Variants in CERS3 observed in about 807,000 individuals in gnomAD.
The protein encoded by CERS3 is LAG1 homolog, ceramide synthase 3.
In CERS3, 33 loss-of-function variants were observed where a neutral mutation model predicts 50.3. The ratio of observed to expected loss-of-function variants is 0.66; its 90% CI spans 0.50 to 0.88. The LOEUF (loss-of-function observed/expected upper bound fraction) is 0.88, where lower values mean the gene tolerates loss of function less well. Ranked by LOEUF, CERS3 falls within the 40% of genes least tolerant of loss-of-function variation. The pLI is 0.00. For missense variants in CERS3, 470 were observed against 460.3 expected, an observed-to-expected ratio of 1.02 and a Z score of -0.19; for synonymous variants, 176 against 155.2, an observed-to-expected ratio of 1.13 and a Z score of -0.99.
intron 2 of CERS3, among the ~76,000 whole-genome samples, chr15:100,510,126 A>C (rs911832351): frequency 2.0e-5 from 3 of 152,182 alleles, no homozygotes. Flanking sequence ...CCCATGGTAA[A>C]TTCCAATTCT....
At position 100,483,787 on chromosome 15, in the gene CERS3, A is replaced by ATTTTTTTTTT. The variant is rs10622678; in HGVS notation, c.407+753_407+762dup. 6.4e-4 allele frequency among the ~76,000 whole-genome samples: 64 copies of ATTTTTTTTTT among 100,024 alleles called. 4 individuals carry two copies. Among genetic ancestry groups the ATTTTTTTTTT allele is most frequent in the Admixed American group, 2.6e-3 (21 of 8,052 alleles). 65.6% of individuals were successfully genotyped at this position (100,024 alleles called of 152,430 possible). ...AATAATAATAATAATTATTATTATT[A>ATTTTTTTTTT]TTTTTTTTTTTGAGACAGAGTCTTG... On this transcript the variant is annotated intron_variant, in intron 5 of 11. Transcript: ENST00000679737.
At chr15:100,530,033 C>G (rs534065609), upstream of CERS3, among the ~76,000 whole-genome samples, 1 of 152,342 alleles carries the variant, frequency 6.6e-6, no homozygotes, top group East Asian at 1.9e-4. Flanking sequence ...GTACTTCTCA[C>G]TCAGGGCTTC....
At chr15:100,423,417 A>G (rs1302738921) in intron 11 of CERS3, among the ~76,000 whole-genome samples, 1 of 152,222 alleles carries the variant, frequency 6.6e-6, no homozygotes, top group African/African-American at 2.4e-5. Flanking sequence ...GTACATATAC[A>G]CTGTGAAATG....
chr15:100,452,744 A>T (rs1049170006), intron 11 of CERS3, among the ~76,000 whole-genome samples: 8 of 152,140 alleles, frequency 5.3e-5, no homozygotes, highest in African/African-American at 1.9e-4. Flanking sequence ...GACAAAATAG[A>T]TTGCTAGCTA....
intron 11 of CERS3, among the ~76,000 whole-genome samples, chr15:100,417,577 C>A (rs1056026685): frequency 6.6e-6 from 1 of 151,940 alleles, no homozygotes; most frequent in Non-Finnish European, 1.5e-5. Context: ...GTGGAGCCCA[C>A]CACAGCTCAA....
At chr15:100,434,043 G>A (rs1305477380) in intron 11 of CERS3, among the ~76,000 whole-genome samples, 1 of 152,260 alleles carries the variant, frequency 6.6e-6, no homozygotes, top group Non-Finnish European at 1.5e-5. Flanking sequence ...CCTCTGTGGA[G>A]AGCTATGAGG....
intron 11 of CERS3, among the ~76,000 whole-genome samples, chr15:100,417,144 T>G (rs2031980973): frequency 6.6e-6 from 1 of 151,890 alleles, no homozygotes; most frequent in African/African-American, 2.4e-5. Context: ...AGAAGATGGG[T>G]GATTTCTGCA....
At chr15:100,498,575 T>A (rs1285584998) in intron 3 of CERS3, among the ~76,000 whole-genome samples, 2 of 152,178 alleles carry the variant, frequency 1.3e-5, no homozygotes, top group Non-Finnish European at 2.9e-5. Flanking sequence ...TACCAGGGAA[T>A]GAGTCCCTTA....
intron 11 of CERS3, among the ~76,000 whole-genome samples, chr15:100,412,681 T>C (rs1196633329): frequency 6.6e-6 from 1 of 152,178 alleles, no homozygotes; most frequent in Non-Finnish European, 1.5e-5. Context: ...TTCTTGAATT[T>C]CAGAGCCAGA....
chr15:100,500,750 G>A (rs991532145), intron 3 of CERS3, among the ~76,000 whole-genome samples: 2 of 152,174 alleles, frequency 1.3e-5, no homozygotes, highest in African/African-American at 4.8e-5. Flanking sequence ...GCACGCTGTT[G>A]GCCCCAGTGA....
intron 7 of CERS3, among the ~76,000 whole-genome samples, chr15:100,477,158 T>A (rs1567647393): frequency 6.6e-6 from 1 of 152,350 alleles, no homozygotes; most frequent in East Asian, 1.9e-4. Flanking sequence ...GGTTGTTGTT[T>A]GAAGGCACTA....
At chr15:100,435,121 A>C (rs1363175792) in intron 11 of CERS3, among the ~76,000 whole-genome samples, 1 of 152,172 alleles carries the variant, frequency 6.6e-6, no homozygotes, top group Non-Finnish European at 1.5e-5. Context: ...TTTCATTTGC[A>C]ACTGCCTCCT....
intron 11 of CERS3, among the ~76,000 whole-genome samples, chr15:100,406,682 T>C (rs2142046820): frequency 6.6e-6 from 1 of 152,274 alleles, no homozygotes; most frequent in Middle Eastern, 3.4e-3. Context: ...CACTCCCTCC[T>C]ACAGATGAAG....
Position 100,501,666 on chromosome 15 carries a change from G to A in CERS3, c.173+11C>T, listed in dbSNP as rs202142718. 4.2e-4 allele frequency: 670 copies of A among 1,602,524 alleles called. 1 individual carries two copies. The highest frequency in any genetic ancestry group is 5.5e-4 in the Non-Finnish European group (645 of 1,169,652). ...GGGGGAATGGGAAGGAAAGACACAA[G>A]TACTACTTACTTTTCAAATACACGT... On this transcript the variant is annotated intron_variant, in intron 3 of 11. Transcript: ENST00000679737.
chr15:100,451,805 C>A (rs757011305), intron 11 of CERS3, among the ~76,000 whole-genome samples: 4 of 151,636 alleles, frequency 2.6e-5, no homozygotes, highest in Non-Finnish European at 4.4e-5. Flanking sequence ...CAAATGGAAA[C>A]CAAAAGCAAG....
At chr15:100,539,224 C>A (rs930157424) in intron 1 of CERS3, among the ~76,000 whole-genome samples, 2 of 152,176 alleles carry the variant, frequency 1.3e-5, no homozygotes, top group African/African-American at 4.8e-5. Context: ...CTGAAATGTT[C>A]CAAACTTTCT....
At chr15:100,500,988 A>G (rs2035979704) in intron 3 of CERS3, among the ~76,000 whole-genome samples, 1 of 152,230 alleles carries the variant, frequency 6.6e-6, no homozygotes, top group Non-Finnish European at 1.5e-5. Flanking sequence ...GCTTTTTGAA[A>G]TAGAGTCAAC....
intron 10 of CERS3, among the ~76,000 whole-genome samples, chr15:100,458,742 A>G (rs1014968033): frequency 2.6e-5 from 4 of 152,160 alleles, no homozygotes; most frequent in Non-Finnish European, 4.4e-5. Flanking sequence ...ATCTCTCTCA[A>G]AACTATATTC....
chr15:100,406,342 C>A (rs1477492436), intron 11 of CERS3, among the ~76,000 whole-genome samples: 1 of 152,162 alleles, frequency 6.6e-6, no homozygotes, highest in Admixed American at 6.5e-5. Context: ...CATAACTGTA[C>A]AACTTCTTTT....
Sources: gnomAD v4.1 joint callset for allele counts (sites outside exome capture counted in the v4.1 genomes callset) on GRCh38, gnomAD v4.1.1 for gene constraint, MANE v1.5 for transcripts, NCBI Gene and HGNC (gene_info 2026-07-23, HGNC 2026-07-21) for gene names.